The following CSMD1 variants were observed in gnomAD, a reference collection of about 807,000 sequenced individuals.
The protein encoded by CSMD1 is CUB and sushi domain-containing protein 1.
CSMD1 carries 213 observed loss-of-function variants against 417.5 expected under a neutral mutation model. The observed-to-expected ratio is 0.51, with a 90% CI of 0.46 to 0.57. The LOEUF (loss-of-function observed/expected upper bound fraction) is 0.57. CSMD1 is among the 20% of genes least tolerant of loss of function. The probability of loss-of-function intolerance (pLI) is 0.00; values close to 1 mark genes in which losing one functional copy is unlikely to be tolerated. For synonymous variants in CSMD1, 2,862 were observed against 1,736.8 expected (o/e 1.65, Z -16.11); for missense variants, 6,923 against 4,529.7 (o/e 1.53, Z -15.17).
chr8:3,384,241 A>G (rs1212866160), intron 18 of CSMD1, among the ~76,000 whole-genome samples: 1 of 152,148 alleles, frequency 6.6e-6, no homozygotes, highest in Non-Finnish European at 1.5e-5. Context: ...CTAAATTTTC[A>G]CATAATAATT....
At chr8:3,742,755 A>AAAACG (rs1554528434) in intron 6 of CSMD1, among the ~76,000 whole-genome samples, 1 of 151,544 alleles carries the variant, frequency 6.6e-6, no homozygotes, top group South Asian at 2.1e-4. Context: ...AAACAAAAAC[A>AAAACG]AAACGAAACG....
At chr8:4,051,529 T>A (rs1798423165) in intron 3 of CSMD1, among the ~76,000 whole-genome samples, 1 of 152,122 alleles carries the variant, frequency 6.6e-6, no homozygotes, top group Non-Finnish European at 1.5e-5. Context: ...AAATGCAACT[T>A]CGAATCAGCA....
At chr8:4,741,720 C>G (rs1611925) in intron 1 of CSMD1, among the ~76,000 whole-genome samples, 1 of 152,128 alleles carries the variant, frequency 6.6e-6, no homozygotes, top group Non-Finnish European at 1.5e-5. Context: ...TCCCACATCC[C>G]TGACATAGTA....
At chr8:4,820,178 T>C (rs1247088959) in intron 1 of CSMD1, among the ~76,000 whole-genome samples, 2 of 152,070 alleles carry the variant, frequency 1.3e-5, no homozygotes, top group Non-Finnish European at 1.5e-5. Flanking sequence ...ACAAGCTGCA[T>C]TTAGGCAGCA....
chr8:3,181,312 T>G (rs534650945), intron 36 of CSMD1, 98 bp from the exon 37 acceptor site: 23 of 807,930 alleles, frequency 2.8e-5, no homozygotes, highest in Non-Finnish European at 4.6e-5. Context: ...TACAAATCCC[T>G]ACAGTTTGTC....
chr8:3,546,990 A>G (rs1259949315), intron 10 of CSMD1, among the ~76,000 whole-genome samples: 1 of 152,172 alleles, frequency 6.6e-6, no homozygotes, highest in Non-Finnish European at 1.5e-5. Context: ...AGCAAAACTG[A>G]ACAGCGTCTC....
chr8:4,306,711 A>G (rs1798267656), intron 3 of CSMD1, among the ~76,000 whole-genome samples: 1 of 152,084 alleles, frequency 6.6e-6, no homozygotes, highest in South Asian at 2.1e-4. Context: ...GTCCTCATAT[A>G]GTGAGCAGCA....
At chr8:3,150,311 C>T (rs1198528240) in intron 40 of CSMD1, among the ~76,000 whole-genome samples, 1 of 152,348 alleles carries the variant, frequency 6.6e-6, no homozygotes, top group Non-Finnish European at 1.5e-5. Context: ...CTCCCCAGGC[C>T]GTCCCCATCG....
chr8:4,346,837 T>G (rs61705704), intron 3 of CSMD1, among the ~76,000 whole-genome samples: 1 of 152,120 alleles, frequency 6.6e-6, no homozygotes, highest in Non-Finnish European at 1.5e-5. Flanking sequence ...GGATTGAGAC[T>G]GAGGGCCTGA....
intron 2 of CSMD1, among the ~76,000 whole-genome samples, chr8:4,511,437 TG>T (rs1310936182): frequency 9.2e-5 from 14 of 152,212 alleles, no homozygotes; most frequent in Admixed American, 9.2e-4. Flanking sequence ...TACAGATTAT[TG>T]TTTTAAAAAG....
chr8:3,158,021 G>A (rs1347963232), intron 38 of CSMD1, 55 bp from the exon 39 acceptor site: 12 of 1,347,512 alleles, frequency 8.9e-6, no homozygotes, highest in Non-Finnish European at 1.2e-5. Context: ...AGTATTTAAG[G>A]ATTAAATGTT....
intron 20 of CSMD1, 58 bp from the exon 21 acceptor site, chr8:3,359,398 A>C: frequency 1.6e-6 from 2 of 1,276,428 alleles, no homozygotes; most frequent in Non-Finnish European, 1.1e-6. Context: ...CACAAAGATT[A>C]AATAGCAAGA....
intron 10 of CSMD1, among the ~76,000 whole-genome samples, chr8:3,555,541 G>T (rs1799107347): frequency 1.3e-5 from 2 of 152,172 alleles, no homozygotes; most frequent in South Asian, 4.1e-4. Context: ...ACAGCTGGGT[G>T]AACTTAAACG....
intron 26 of CSMD1, among the ~76,000 whole-genome samples, chr8:3,262,883 A>G (rs1033644613): frequency 5.3e-5 from 8 of 152,358 alleles, no homozygotes; most frequent in African/African-American, 1.9e-4. Flanking sequence ...TTTATTTTGT[A>G]CAAGAGGGAA....
At chr8:3,633,209 A>G (rs193070173) in intron 7 of CSMD1, among the ~76,000 whole-genome samples, 1 of 152,228 alleles carries the variant, frequency 6.6e-6, no homozygotes, top group Non-Finnish European at 1.5e-5. Flanking sequence ...ACTCAAATAA[A>G]ACATAACTTA....
chr8:4,155,525 G>A (rs1184298798), intron 3 of CSMD1, among the ~76,000 whole-genome samples: 1 of 152,060 alleles, frequency 6.6e-6, no homozygotes, highest in African/African-American at 2.4e-5. Context: ...AACTTAAATG[G>A]TTAAAAAAGT....
chr8:4,537,186 T>C (rs1448300321), intron 2 of CSMD1, among the ~76,000 whole-genome samples: 3 of 152,222 alleles, frequency 2.0e-5, no homozygotes, highest in Non-Finnish European at 4.4e-5. Flanking sequence ...CTACTATTTA[T>C]ATATCAGCAT....
At chr8:3,607,582 G>A (rs906593434) in intron 8 of CSMD1, among the ~76,000 whole-genome samples, 8 of 152,178 alleles carry the variant, frequency 5.3e-5, no homozygotes, top group African/African-American at 1.7e-4. Flanking sequence ...AGCAGAGCTA[G>A]GAGATCACCA....
At chr8:3,256,657 A>T (rs1262425395) in intron 26 of CSMD1, among the ~76,000 whole-genome samples, 1 of 152,148 alleles carries the variant, frequency 6.6e-6, no homozygotes, top group Non-Finnish European at 1.5e-5. Context: ...TTGCAAGAAC[A>T]CCCACACTTC....
Sources: allele counts gnomAD v4.1 joint callset (sites outside exome capture counted in the v4.1 genomes callset), GRCh38; gene constraint gnomAD v4.1.1; transcripts MANE v1.5; gene names NCBI Gene and HGNC (gene_info 2026-07-23, HGNC 2026-07-21).